PDE7A: variants seen among roughly 807,000 people sequenced by gnomAD.
PDE7A encodes the protein high affinity 3',5'-cyclic-AMP phosphodiesterase 7A.
Under a neutral mutation model 64.3 loss-of-function variants are expected in PDE7A, and 39 were observed. The observed-to-expected ratio is 0.61, with a 90% confidence interval of 0.47 to 0.79. PDE7A has a LOEUF of 0.79. Among genes scored for constraint, PDE7A ranks in the 30% least tolerant of loss-of-function variants. The pLI, the probability that PDE7A is intolerant of heterozygous loss-of-function variation, is 0.00. For synonymous variants in PDE7A, 203 were observed against 206.8 expected (o/e 0.98, Z 0.16); for missense variants, 470 against 582.8 (o/e 0.81, Z 1.99).
intron 2 of PDE7A, among the ~76,000 whole-genome samples, chr8:65,782,187 T>C (rs1402217110): frequency 6.6e-6 from 1 of 152,178 alleles, no homozygotes; most frequent in East Asian, 1.9e-4. Context: ...TTAATATGCA[T>C]GTTTAATAAT....
chr8:65,748,217 T>G (rs891862526), intron 3 of PDE7A, among the ~76,000 whole-genome samples: 1 of 152,168 alleles, frequency 6.6e-6, no homozygotes, highest in Non-Finnish European at 1.5e-5. Context: ...AGCCAGGTCC[T>G]AAGTTACATA....
chr8:65,823,980 A>T (rs1027956953), intron 1 of PDE7A, among the ~76,000 whole-genome samples: 1 of 151,458 alleles, frequency 6.6e-6, no homozygotes, highest in Non-Finnish European at 1.5e-5. Flanking sequence ...ATATAAAAAT[A>T]CTAAGTTGAC....
At chr8:65,720,851 C>G in intron 12 of PDE7A, among the ~76,000 whole-genome samples, 1 of 152,200 alleles carries the variant, frequency 6.6e-6, no homozygotes. Flanking sequence ...TTGAGCCAGC[C>G]ACCCAAAGCC....
intron 1 of PDE7A, among the ~76,000 whole-genome samples, chr8:65,803,811 T>C (rs1168481729): frequency 6.6e-6 from 1 of 152,210 alleles, no homozygotes; most frequent in Non-Finnish European, 1.5e-5. Context: ...CATGAATTCA[T>C]GAAGCTCCTG....
intron 1 of PDE7A, among the ~76,000 whole-genome samples, chr8:65,817,811 G>C (rs980205313): frequency 6.6e-6 from 1 of 151,016 alleles, no homozygotes; most frequent in Non-Finnish European, 1.5e-5. Context: ...GGAGTGCAGC[G>C]GCGCTATCTC....
At chr8:65,787,968 T>C (rs1005032139) in intron 1 of PDE7A, among the ~76,000 whole-genome samples, 1 of 152,214 alleles carries the variant, frequency 6.6e-6, no homozygotes, top group East Asian at 1.9e-4. Context: ...TTTAAATACA[T>C]TATTTTTCTT....
chr8:65,786,762 G>A (rs1809568246), intron 1 of PDE7A, among the ~76,000 whole-genome samples: 1 of 152,156 alleles, frequency 6.6e-6, no homozygotes, highest in Non-Finnish European at 1.5e-5. Flanking sequence ...GGAAATAACT[G>A]AGAGGCTTCT....
intron 1 of PDE7A, among the ~76,000 whole-genome samples, chr8:65,834,409 T>C (rs573502444): frequency 6.6e-6 from 1 of 152,332 alleles, no homozygotes; most frequent in South Asian, 2.1e-4. Flanking sequence ...AGTAGGCTAT[T>C]AGTAGTTAAG....
rs769069498 is a variant in PDE7A, at chr8:65,719,472, G to C, written c.1267C>G (p.Pro423Ala). The change falls in exon 13 of 13, where the codon CCT becomes GCT. Residue 423 changes from proline (P) to alanine (A), a missense_variant. Physicochemically the swap from Pro to Ala is conservative, Grantham distance 27 (BLOSUM62 -1). Transcript: ENST00000401827. ...QIGFMTYLVE[P>A]LFTEWARFSN... ...AACCTGGCCCATTCTGTAAATAAAG[G>C]CTCCACTAGGTAAGTCATAAAACCT... The C allele has an allele frequency of 3.1e-6, 5 of 1,612,910 alleles. No individual in the cohort carries two copies. The highest frequency in any genetic ancestry group is 4.2e-6 in the Non-Finnish European group (5 of 1,179,030).
intron 1 of PDE7A, among the ~76,000 whole-genome samples, chr8:65,798,206 A>ATATATATATATATTTTT: frequency 1.5e-4 from 11 of 73,810 alleles, no homozygotes; most frequent in South Asian, 4.5e-4. Flanking sequence ...ATATATATAT[A>ATATATATATATATTTTT]TTTTTTTTTT....
chr8:65,751,804 T>TA (rs1416630361), intron 3 of PDE7A, among the ~76,000 whole-genome samples: 8 of 152,336 alleles, frequency 5.3e-5, no homozygotes, highest in African/African-American at 1.9e-4. Context: ...TCCTGAGTTT[T>TA]AAAAAATTAA....
chr8:65,758,192 A>G (rs975057397), intron 3 of PDE7A, among the ~76,000 whole-genome samples: 4 of 152,324 alleles, frequency 2.6e-5, no homozygotes, highest in Admixed American at 2.6e-4. Flanking sequence ...TTTTACCACT[A>G]GGCAATAACA....
chr8:65,805,921 T>C (rs1810098037), intron 1 of PDE7A, among the ~76,000 whole-genome samples: 1 of 152,176 alleles, frequency 6.6e-6, no homozygotes, highest in South Asian at 2.1e-4. Context: ...CTTACATCAC[T>C]GTTTGAGCAA....
rs1811087824 is a variant in PDE7A, at chr8:65,841,517, C to A, written c.-9G>T. The A allele has an allele frequency of 6.8e-7, 1 of 1,479,648 alleles. No individual in the cohort carries two copies. Among genetic ancestry groups the A allele is most frequent in the Non-Finnish European group, 8.9e-7 (1 of 1,120,818 alleles). 91.7% of individuals were successfully genotyped at this position (1,479,648 alleles called of 1,614,324 possible). On this transcript the variant is annotated 5_prime_UTR_variant, in exon 1 of 13. Coordinates refer to ENST00000401827, the MANE Select transcript of PDE7A (RefSeq NM_001242318.3). The stretch of plus-strand genomic sequence containing the variant: ...TGGTAACACACTTCCATTGAATACG[C>A]CCGCCCTGCCTCCGCGCGGCGCCCG...
intron 1 of PDE7A, among the ~76,000 whole-genome samples, chr8:65,795,978 C>A (rs1809831745): frequency 6.6e-6 from 1 of 151,744 alleles, no homozygotes. Flanking sequence ...AATGGATCAT[C>A]TATAGCTGAA....
At chr8:65,767,107 A>G (rs1808826183) in intron 3 of PDE7A, among the ~76,000 whole-genome samples, 1 of 152,264 alleles carries the variant, frequency 6.6e-6, no homozygotes, top group South Asian at 2.1e-4. Flanking sequence ...TCATACACTT[A>G]GAAGAATTAG....
chr8:65,768,301 C>T (rs1808900735), intron 3 of PDE7A, among the ~76,000 whole-genome samples: 2 of 152,180 alleles, frequency 1.3e-5, no homozygotes, highest in Admixed American at 6.5e-5. Flanking sequence ...GCTGTGCCCC[C>T]ACCCAAATCT....
chr8:65,795,795 G>A (rs73242909), intron 1 of PDE7A, among the ~76,000 whole-genome samples: 28,370 of 151,884 alleles, frequency 0.19, 3,609 homozygotes, highest in African/African-American at 0.37. Context: ...AATTAGTAGG[G>A]AAAATAAAAA....
At chr8:65,817,037 T>C (rs79420324) in intron 1 of PDE7A, among the ~76,000 whole-genome samples, 8,696 of 152,334 alleles carry the variant, frequency 0.057, 357 homozygotes, top group Middle Eastern at 0.11. Context: ...GATCGAATAA[T>C]TTCTACTGGT....
Sources: gnomAD v4.1 joint callset for allele counts (sites outside exome capture counted in the v4.1 genomes callset) on GRCh38, gnomAD v4.1.1 for gene constraint, MANE v1.5 for transcripts, NCBI Gene and HGNC (gene_info 2026-07-23, HGNC 2026-07-21) for gene names.